Variants in DTL observed in about 807,000 individuals in gnomAD.
The protein encoded by DTL is denticleless E3 ubiquitin protein ligase adapter.
In DTL, 46 loss-of-function variants were observed where a neutral mutation model predicts 87.0. The observed-to-expected ratio is 0.53, with a 90% CI of 0.42 to 0.68. The LOEUF (loss-of-function observed/expected upper bound fraction) is 0.68, where lower values mean the gene tolerates loss of function less well. Ranked by LOEUF, DTL falls within the 30% of genes least tolerant of loss-of-function variation. DTL has a pLI of 0.00. For missense variants in DTL, 737 were observed against 869.4 expected (o/e 0.85, Z 1.91); for synonymous variants, 308 against 311.2 (o/e 0.99, Z 0.11).
chr1:212,088,887 G>A (rs569288005), intron 13 of DTL, among the ~76,000 whole-genome samples: 1 of 152,324 alleles, frequency 6.6e-6, no homozygotes, highest in South Asian at 2.1e-4. Flanking sequence ...AGGAGTTCGG[G>A]ACTAGTCTTG....
intron 13 of DTL, among the ~76,000 whole-genome samples, chr1:212,095,980 C>G (rs1558091464): frequency 6.6e-6 from 1 of 152,176 alleles, no homozygotes; most frequent in East Asian, 1.9e-4. Flanking sequence ...TAGAATTCAG[C>G]AGTGAATCCA....
chr1:212,059,854 C>G (rs922659659), intron 5 of DTL, among the ~76,000 whole-genome samples: 1 of 124,910 alleles, frequency 8.0e-6, no homozygotes. Context: ...AATCAACATA[C>G]AAAAAAAATA....
At chr1:212,050,010 G>A (rs1271522460) in intron 5 of DTL, among the ~76,000 whole-genome samples, 1 of 96,202 alleles carries the variant, frequency 1.0e-5, no homozygotes, top group African/African-American at 3.9e-5. Context: ...GACCCTATAA[G>A]AAAACAGAAA....
chr1:212,095,100 C>G (rs1443768870), intron 13 of DTL, among the ~76,000 whole-genome samples: 2 of 152,094 alleles, frequency 1.3e-5, no homozygotes, highest in African/African-American at 4.8e-5. Flanking sequence ...TTCTGACTGA[C>G]TGTGGCTGGC....
intron 13 of DTL, among the ~76,000 whole-genome samples, chr1:212,084,718 C>G (rs540709885): frequency 1.5e-4 from 23 of 152,142 alleles, no homozygotes; most frequent in Non-Finnish European, 1.2e-4. Context: ...TAACTTCTTT[C>G]CTTTGTAACA....
intron 13 of DTL, among the ~76,000 whole-genome samples, chr1:212,098,600 G>A (rs1655518380): frequency 6.6e-6 from 1 of 152,044 alleles, no homozygotes; most frequent in Non-Finnish European, 1.5e-5. Context: ...TGGGCGATGG[G>A]AGTGGTGGTT....
At chr1:212,085,598 T>C (rs533413002) in intron 13 of DTL, among the ~76,000 whole-genome samples, 5 of 152,374 alleles carry the variant, frequency 3.3e-5, no homozygotes, top group Middle Eastern at 3.4e-3. Flanking sequence ...GTTGTGTTTT[T>C]ACTTTCTTGA....
chr1:212,082,896 T>C (rs1306690482), intron 13 of DTL, among the ~76,000 whole-genome samples: 1 of 152,122 alleles, frequency 6.6e-6, no homozygotes, highest in African/African-American at 2.4e-5. Context: ...GCACTCCACA[T>C]GGTTGTGTGT....
intron 13 of DTL, among the ~76,000 whole-genome samples, chr1:212,091,832 G>A (rs1655291467): frequency 6.6e-6 from 1 of 152,200 alleles, no homozygotes; most frequent in Non-Finnish European, 1.5e-5. Context: ...ATGAAGTGAT[G>A]TTAGTTGGCT....
chr1:212,069,740 T>C (rs1332241085), intron 10 of DTL, among the ~76,000 whole-genome samples: 3 of 152,058 alleles, frequency 2.0e-5, no homozygotes, highest in African/African-American at 7.2e-5. Flanking sequence ...AAGGCAGGGT[T>C]TCACCTTGTT....
intron 1 of DTL, among the ~76,000 whole-genome samples, chr1:212,037,423 G>A (rs1314971179): frequency 6.6e-6 from 1 of 151,960 alleles, no homozygotes; most frequent in Non-Finnish European, 1.5e-5. Context: ...CCACAACCAG[G>A]GCTTCTTCCA....
chr1:212,054,420 A>C (rs1217170289), intron 5 of DTL, among the ~76,000 whole-genome samples: 6 of 151,962 alleles, frequency 3.9e-5, no homozygotes, highest in Middle Eastern at 3.4e-3. Flanking sequence ...AAAAAAAAAA[A>C]ACACCAAAAA....
chr1:212,100,006 A>G (rs1655567997), intron 13 of DTL, among the ~76,000 whole-genome samples: 1 of 152,090 alleles, frequency 6.6e-6, no homozygotes, highest in East Asian at 1.9e-4. Context: ...TTTTCTCTTT[A>G]TGTTTTTCGG....
chr1:212,104,965 A>G lies in DTL; in HGVS notation c.*2025A>G, dbSNP rs1002849076. ...ATGTTTATTCCCAAAGTTATAATCT[A>G]TTTCAAGCTGAAAGAGCTTTTAATA... On this transcript the variant is annotated 3_prime_UTR_variant, in exon 15 of 15. Coordinates refer to ENST00000366991, the MANE Select transcript of DTL (RefSeq NM_016448.4). 1.3e-5 allele frequency: 2 copies of G among 152,214 alleles called. No individual in the cohort carries two copies. Among genetic ancestry groups the G allele is most frequent in the African/African-American group, 2.4e-5 (1 of 41,452 alleles). 9.4% of individuals were successfully genotyped at this position (152,214 alleles called of 1,614,324 possible).
intron 13 of DTL, among the ~76,000 whole-genome samples, chr1:212,098,184 C>T (rs79164249): frequency 2.0e-5 from 3 of 152,270 alleles, no homozygotes; most frequent in East Asian, 3.9e-4. Flanking sequence ...ATTTAGTGTA[C>T]TGGTTGTCTT....
intron 13 of DTL, among the ~76,000 whole-genome samples, chr1:212,091,471 G>T (rs996952798): frequency 6.6e-6 from 1 of 152,100 alleles, no homozygotes; most frequent in Non-Finnish European, 1.5e-5. Flanking sequence ...AAAAGTGATC[G>T]CAGTATGTGG....
intron 5 of DTL, chr1:212,051,442 CTTTTTTTTTTTTTTTTTTTTT>C (rs958429363): frequency 3.8e-3 from 741 of 196,828 alleles, no homozygotes; most frequent in Admixed American, 4.8e-3. Flanking sequence ...ATATGAAATT[CTTTTTTTTTTTTTTTTTTTTT>C]TTTTTTTTTT....
At position 212,068,444 on chromosome 1, in the gene DTL, A is replaced by G; in HGVS notation, c.817+117A>G. 3.5e-6 allele frequency: 3 copies of G among 848,724 alleles called. No homozygotes were observed. The South Asian group carries it at 5.4e-5, about 15-fold the overall frequency. The allele number at this position is 848,724 out of a possible 1,614,324, so 52.6% of individuals were successfully genotyped here. ...TTCTAATATGTGAAGTTCAAAAGAT[A>G]AAAACTCAGAAGAATGTTTTTGGTT... is the stretch of plus-strand genomic sequence containing the variant. On this transcript the variant is annotated intron_variant, in intron 9 of 14. Coordinates refer to ENST00000366991, the MANE Select transcript of DTL (RefSeq NM_016448.4).
intron 13 of DTL, among the ~76,000 whole-genome samples, chr1:212,083,281 G>T (rs779017504): frequency 1.3e-5 from 2 of 152,126 alleles, no homozygotes; most frequent in Non-Finnish European, 1.5e-5. Context: ...CTTATTTGCT[G>T]TCACGAGAAC....
Sources: allele counts gnomAD v4.1 joint callset (sites outside exome capture counted in the v4.1 genomes callset), GRCh38; gene constraint gnomAD v4.1.1; transcripts MANE v1.5; gene names NCBI Gene and HGNC (gene_info 2026-07-23, HGNC 2026-07-21).